The following UTP23 variants were observed in gnomAD, a reference collection of about 807,000 sequenced individuals.
UTP23 encodes UTP23 small subunit processome component, also known as rRNA-processing protein UTP23 homolog.
In UTP23, 10 loss-of-function variants were observed where a neutral mutation model predicts 19.8. That is an observed-to-expected ratio of 0.50 (90% CI 0.31 to 0.86). UTP23 has a LOEUF of 0.86. UTP23 is among the 40% of genes least tolerant of loss of function. UTP23 has a pLI of 0.05. For synonymous variants in UTP23, 108 were observed against 105.4 expected, an observed-to-expected ratio of 1.02 and a Z score of -0.15; for missense variants, 282 against 293.1, an observed-to-expected ratio of 0.96 and a Z score of 0.28.
Position 116,774,217 on chromosome 8 carries a change from T to A in UTP23, c.*2375T>A. 1 of 985,416 alleles carries A rather than the reference T, an allele frequency of 1.0e-6. No homozygotes were observed. Among genetic ancestry groups the A allele is most frequent in the Non-Finnish European group, 1.2e-6 (1 of 829,934 alleles). 61.0% of individuals were successfully genotyped at this position (985,416 alleles called of 1,614,324 possible). On this transcript the variant is annotated 3_prime_UTR_variant, in exon 3 of 3. Transcript: ENST00000309822. Reference sequence around the variant, plus strand: ...TTTTACGAACACTTAAAAATAAGTGTTTGCAGTTGTGTATGGGCACGATAC... The same window carrying A: ...TTTTACGAACACTTAAAAATAAGTGATTGCAGTTGTGTATGGGCACGATAC...
At chr8:116,770,081 T>A in intron 1 of UTP23, 111 bp from the exon 2 acceptor site, 2 of 1,069,006 alleles carry the variant, frequency 1.9e-6, no homozygotes, top group South Asian at 4.3e-5. Flanking sequence ...GGTTACCAGA[T>A]GACAAATTTA....
At chr8:116,770,481 T>C (rs565029673) in intron 2 of UTP23, 115 bp downstream of exon 2, 2 of 1,015,700 alleles carry the variant, frequency 2.0e-6, no homozygotes, top group East Asian at 5.3e-5. Flanking sequence ...AATACAGGCT[T>C]CTAAGTTAAT....
intron 2 of UTP23, among the ~76,000 whole-genome samples, chr8:116,771,229 T>C (rs935340986): frequency 7.9e-5 from 12 of 152,136 alleles, no homozygotes; most frequent in African/African-American, 2.4e-4. Flanking sequence ...GGCTCTAGAG[T>C]ATCGATAAAT....
At position 116,773,552 on chromosome 8, in the gene UTP23, C is replaced by T; in HGVS notation, c.*1710C>T. On this transcript the variant is annotated 3_prime_UTR_variant, in exon 3 of 3. Coordinates refer to ENST00000309822, the MANE Select transcript of UTP23 (RefSeq NM_032334.3). ...TTTGACAGGGCATGGTGGCTCACAC[C>T]TGTAATCCCAGCACTTTGGGAGGCC... The T allele has an allele frequency of 3.1e-6, 3 of 958,958 alleles. No homozygotes were observed. The South Asian group carries it at 1.4e-4, about 46-fold the overall frequency. The allele number at this position is 958,958 out of a possible 1,614,324, so 59.4% of individuals were successfully genotyped here.
chr8:116,769,993 A>C (rs1815629992), intron 1 of UTP23, 199 bp from the exon 2 acceptor site: 1 of 513,134 alleles, frequency 1.9e-6, no homozygotes, highest in Non-Finnish European at 3.4e-6. Flanking sequence ...CATGGAACAT[A>C]ATAAGTGCTC....
In UTP23 at chr8:116,772,249, C is replaced by T. The variant is rs573349359; in HGVS notation, c.*407C>T. 24 of 986,104 alleles carry T rather than the reference C, an allele frequency of 2.4e-5. No individual in the cohort carries two copies. The highest frequency in any genetic ancestry group is 2.8e-5 in the Non-Finnish European group (23 of 830,550). The allele number at this position is 986,104 out of a possible 1,614,324, so 61.1% of individuals were successfully genotyped here. ...ATTCACTTTACTTACTAAATGGTTTCGGGAGGTTGTTTCTCCAGGTAAAAT... is the reference window on the plus strand; with the variant it reads ...ATTCACTTTACTTACTAAATGGTTTTGGGAGGTTGTTTCTCCAGGTAAAAT... On this transcript the variant is annotated 3_prime_UTR_variant, in exon 3 of 3. Coordinates refer to ENST00000309822, the MANE Select transcript of UTP23 (RefSeq NM_032334.3).
At position 116,771,668 on chromosome 8, in the gene UTP23, A is replaced by G; in HGVS notation, c.576A>G (p.Arg192=). Residue 192 remains arginine (R), a synonymous_variant, in exon 3 of 3, where the codon AGA becomes AGG. Transcript: ENST00000309822. ...QGLVKNTEQS[R]RKKRKKISGP... is the part of the protein sequence containing the mutation. ...TAGTGAAAAACACTGAACAGAGTAG[A>G]AGAAAAAAGCGCAAGAAAATAAGTG... The G allele has an allele frequency of 6.2e-7, 1 of 1,611,200 alleles. No homozygotes were observed. Among genetic ancestry groups the G allele is most frequent in the Non-Finnish European group, 8.5e-7 (1 of 1,179,390 alleles).
chr8:116,774,145 C>A lies in UTP23; in HGVS notation c.*2303C>A. On this transcript the variant is annotated 3_prime_UTR_variant, in exon 3 of 3. Transcript: ENST00000309822. ...AGTGTAATACATGCACTTTTGAACT[C>A]TGAAAGTTTGCCAATCTGAAAAGGG... 1 of 985,338 alleles carries A rather than the reference C, an allele frequency of 1.0e-6. No homozygotes were observed. Among genetic ancestry groups the A allele is most frequent in the Non-Finnish European group, 1.2e-6 (1 of 829,924 alleles). 61.0% of individuals were successfully genotyped at this position (985,338 alleles called of 1,614,324 possible).
chr8:116,771,765 A>G lies in UTP23; in HGVS notation c.673A>G (p.Lys225Glu). Residue 225 changes from lysine (K) to glutamate (E), a missense_variant, in exon 3 of 3, where the codon AAA becomes GAA. By Grantham distance (56) the Lys-to-Glu change is moderately conservative. Transcript: ENST00000309822. ...CACACAATCATCTGCTTCTGAAAAG[A>G]AAAGAAAAAGAAAAAGAATTCGGAA... ...PDTQSSASEK[K>E]RKRKRIRNRS... 1 of 1,606,324 alleles carries G rather than the reference A, an allele frequency of 6.2e-7. No homozygotes were observed. The highest frequency in any genetic ancestry group is 8.5e-7 in the Non-Finnish European group (1 of 1,178,374).
chr8:116,767,391 C>T (rs562550458), intron 1 of UTP23, among the ~76,000 whole-genome samples: 26 of 152,306 alleles, frequency 1.7e-4, no homozygotes, highest in South Asian at 1.2e-3. Context: ...TATTAAGTAC[C>T]TCCTATATGC....
intron 1 of UTP23, 52 bp from the exon 2 acceptor site, chr8:116,770,140 T>G: frequency 6.9e-7 from 1 of 1,445,956 alleles, no homozygotes; most frequent in Non-Finnish European, 9.3e-7. Context: ...CTATTGTTTT[T>G]TACACCTTAT....
rs968319680 is a variant in UTP23, at chr8:116,772,110, A to C, written c.*268A>C. ...GGCATGAGAATCGCTTGAACCTGGG[A>C]GGCAGAGATTGCAGTGAGCCCAGTT... On this transcript the variant is annotated 3_prime_UTR_variant, in exon 3 of 3. Coordinates refer to ENST00000309822, the MANE Select transcript of UTP23 (RefSeq NM_032334.3). 8.3e-5 allele frequency: 90 copies of C among 1,084,936 alleles called. No homozygotes were observed. The highest frequency in any genetic ancestry group is 9.9e-5 in the Non-Finnish European group (88 of 891,678). 67.2% of individuals were successfully genotyped at this position (1,084,936 alleles called of 1,614,324 possible).
chr8:116,773,246 G>T lies in UTP23; in HGVS notation c.*1404G>T. On this transcript the variant is annotated 3_prime_UTR_variant, in exon 3 of 3. Coordinates refer to ENST00000309822, the MANE Select transcript of UTP23 (RefSeq NM_032334.3). The stretch of plus-strand genomic sequence containing the variant: ...AAAATACTGGAAAAAAGTGAATAGT[G>T]TAGGTTTTGTGAGGAAAGTTAACAT... The T allele has an allele frequency of 1.0e-6, 1 of 985,384 alleles. No individual in the cohort carries two copies. The allele number at this position is 985,384 out of a possible 1,614,324, so 61.0% of individuals were successfully genotyped here.
chr8:116,770,954 A>G (rs1563668192), intron 2 of UTP23: 2 of 152,512 alleles, frequency 1.3e-5, no homozygotes, highest in Non-Finnish European at 2.9e-5. Context: ...AGGCTTTTGA[A>G]GAAAAATATT....
rs765308219 is a variant in UTP23 at position 116,771,769 on chromosome 8, G to T, written c.677G>T (p.Arg226Ile). Residue 226 changes from arginine to isoleucine, a missense_variant, in exon 3 of 3, where the codon AGA becomes ATA. Coordinates refer to ENST00000309822, the MANE Select transcript of UTP23 (RefSeq NM_032334.3). The stretch of plus-strand genomic sequence containing the variant: ...CAATCATCTGCTTCTGAAAAGAAAA[G>T]AAAAAGAAAAAGAATTCGGAACAGA... ...DTQSSASEKK[R>I]KRKRIRNRSN... The T allele has an allele frequency of 6.2e-7, 1 of 1,605,070 alleles. No homozygotes were observed. The highest frequency in any genetic ancestry group is 1.4e-5 in the African/African-American group (1 of 73,794).
rs1312059606 is a variant in UTP23 at position 116,772,331 on chromosome 8, A to G, written c.*489A>G. The G allele has an allele frequency of 3.0e-6, 3 of 985,340 alleles. No homozygotes were observed. In the African/African-American group the frequency reaches 5.2e-5, roughly 17 times the overall value. The allele number at this position is 985,340 out of a possible 1,614,324, so 61.0% of individuals were successfully genotyped here. A position where few individuals can be genotyped will look rare whatever the true frequency, so the allele number is the denominator to read the frequency against. ...AACATTATATGCAAACAGTTTTAAAAAATCTTACAGTTCTAAAAGGCTTGT... is the reference window on the plus strand; with the variant it reads ...AACATTATATGCAAACAGTTTTAAAGAATCTTACAGTTCTAAAAGGCTTGT... On this transcript the variant is annotated 3_prime_UTR_variant, in exon 3 of 3. Coordinates refer to ENST00000309822, the MANE Select transcript of UTP23 (RefSeq NM_032334.3).
At chr8:116,767,126 T>C (rs1416575151) in intron 1 of UTP23, among the ~76,000 whole-genome samples, 1 of 152,232 alleles carries the variant, frequency 6.6e-6, no homozygotes, top group East Asian at 1.9e-4. Flanking sequence ...TCCTCATTTG[T>C]AAAATAAAGA....
rs1815661787 is a variant in UTP23 at position 116,771,896 on chromosome 8, T to C, written c.*54T>C. Reference sequence around the variant, plus strand: ...AATGTGAAAATGAATTTTTTACAACTAGAAGTATTTATAATAAAAGACCAA... The same window carrying C: ...AATGTGAAAATGAATTTTTTACAACCAGAAGTATTTATAATAAAAGACCAA... On this transcript the variant is annotated 3_prime_UTR_variant, in exon 3 of 3. Coordinates refer to ENST00000309822, the MANE Select transcript of UTP23 (RefSeq NM_032334.3). 7 of 1,490,404 alleles carry C rather than the reference T, an allele frequency of 4.7e-6. No individual in the cohort carries two copies. Among genetic ancestry groups the C allele is most frequent in the Admixed American group, 2.4e-5 (1 of 41,438 alleles). The allele number at this position is 1,490,404 out of a possible 1,614,324, so 92.3% of individuals were successfully genotyped here. A position where few individuals can be genotyped will look rare whatever the true frequency, so the allele number is the denominator to read the frequency against.
Position 116,773,264 on chromosome 8 carries a change from G to T in UTP23, c.*1422G>T, listed in dbSNP as rs1224123986. The T allele has an allele frequency of 4.1e-6, 4 of 985,388 alleles. No homozygotes were observed. The highest frequency in any genetic ancestry group is 2.4e-6 in the Non-Finnish European group (2 of 829,940). The allele number at this position is 985,388 out of a possible 1,614,324, so 61.0% of individuals were successfully genotyped here. ...GAATAGTGTAGGTTTTGTGAGGAAA[G>T]TTAACATTTGTCAATGACAAGCATT... On this transcript the variant is annotated 3_prime_UTR_variant, in exon 3 of 3. Transcript: ENST00000309822.
Sources: allele counts gnomAD v4.1 joint callset (sites outside exome capture counted in the v4.1 genomes callset), GRCh38; gene constraint gnomAD v4.1.1; transcripts MANE v1.5; gene names NCBI Gene and HGNC (gene_info 2026-07-23, HGNC 2026-07-21).